The following SLC6A12 variants were observed in gnomAD, a reference collection of about 807,000 sequenced individuals.
The protein encoded by SLC6A12 is sodium- and chloride-dependent betaine transporter.
A neutral mutation model predicts 73.3 loss-of-function variants in SLC6A12; 50 were observed. The ratio of observed to expected loss-of-function variants is 0.68; its 90% CI spans 0.54 to 0.86. SLC6A12 has a LOEUF of 0.86. SLC6A12 is among the 40% of genes least tolerant of loss of function. The pLI is 0.00. For synonymous variants in SLC6A12, 304 were observed against 309.2 expected, an observed-to-expected ratio of 0.98 and a Z score of 0.18; for missense variants, 648 against 772.8, an observed-to-expected ratio of 0.84 and a Z score of 1.92.
chr12:192,980 C>T (rs1298017627), intron 14 of SLC6A12: 1 of 511,376 alleles, frequency 2.0e-6, no homozygotes. Flanking sequence ...GGGAAGGGCT[C>T]AGAAGAGAAG....
chr12:197,345 C>A, intron 10 of SLC6A12, 32 bp downstream of exon 10: 1 of 1,599,166 alleles, frequency 6.3e-7, no homozygotes, highest in South Asian at 1.1e-5. Context: ...CTCTCCTTCC[C>A]CTCAGGCCCC....
downstream of SLC6A12, among the ~76,000 whole-genome samples, chr12:187,773 C>T (rs1684835952): frequency 2.6e-5 from 4 of 152,064 alleles, no homozygotes; most frequent in Admixed American, 6.6e-5. Flanking sequence ...GCCGATTGGT[C>T]CATTTTACAG....
At chr12:207,145 C>G (rs1353078690) in intron 3 of SLC6A12, among the ~76,000 whole-genome samples, 1 of 152,264 alleles carries the variant, frequency 6.6e-6, no homozygotes, top group Non-Finnish European at 1.5e-5. Flanking sequence ...ACACCCTCCC[C>G]TCAAATTCCC....
intron 13 of SLC6A12, among the ~76,000 whole-genome samples, chr12:194,681 T>C (rs757698784): frequency 1.2e-4 from 18 of 152,176 alleles, no homozygotes; most frequent in Non-Finnish European, 2.5e-4. Context: ...TTCAGTATGG[T>C]AGCTATCTCA....
intron 2 of SLC6A12, among the ~76,000 whole-genome samples, 158 bp downstream of exon 2, chr12:211,868 G>A (rs1392782784): frequency 3.3e-5 from 5 of 152,190 alleles, no homozygotes; most frequent in African/African-American, 4.8e-5. Flanking sequence ...CTCTTTCTAC[G>A]TATTATTGAA....
At chr12:203,505 C>A (rs527380627) in intron 4 of SLC6A12, 2 of 152,228 alleles carry the variant, frequency 1.3e-5, no homozygotes, top group East Asian at 1.9e-4. Flanking sequence ...GGGCGTCCGC[C>A]GCGGGGGTGG....
intron 3 of SLC6A12, among the ~76,000 whole-genome samples, chr12:207,694 G>A (rs1406710873): frequency 1.2e-4 from 18 of 152,160 alleles, no homozygotes; most frequent in Admixed American, 1.1e-3. Flanking sequence ...GGACTAGTCT[G>A]TGACATCCTG....
chr12:195,783 G>A (rs1388307220), intron 12 of SLC6A12, among the ~76,000 whole-genome samples: 6 of 152,112 alleles, frequency 3.9e-5, no homozygotes, highest in Non-Finnish European at 7.4e-5. Flanking sequence ...AGGAAAACCC[G>A]CCTCTGAGTG....
At chr12:196,401 C>T in intron 11 of SLC6A12, 140 bp from the exon 12 acceptor site, 2 of 1,073,146 alleles carry the variant, frequency 1.9e-6, no homozygotes, top group Non-Finnish European at 2.7e-6. Flanking sequence ...ATGGGGGTGC[C>T]CTGGGGTGAG....
chr12:205,706 T>C (rs542099461), intron 3 of SLC6A12, among the ~76,000 whole-genome samples: 2 of 152,340 alleles, frequency 1.3e-5, no homozygotes, highest in Non-Finnish European at 1.5e-5. Flanking sequence ...TTGTATATCC[T>C]TCCAGATTTC....
chr12:211,041 T>C (rs1940885561), intron 2 of SLC6A12: 1 of 152,186 alleles, frequency 6.6e-6, no homozygotes, highest in East Asian at 1.9e-4. Context: ...ACACAAACAA[T>C]CGCCCTGAGG....
intron 5 of SLC6A12, among the ~76,000 whole-genome samples, chr12:202,508 C>G (rs1940324102): frequency 6.6e-6 from 1 of 152,182 alleles, no homozygotes; most frequent in Non-Finnish European, 1.5e-5. Context: ...GGCAATAACC[C>G]TTGCAGTCAT....
downstream of SLC6A12, among the ~76,000 whole-genome samples, chr12:187,043 A>G (rs1469424028): frequency 2.0e-5 from 3 of 152,332 alleles, no homozygotes; most frequent in Admixed American, 1.3e-4. Flanking sequence ...GCAAAAGCGA[A>G]TATGTGAGAA....
chr12:192,999 G>C (rs926357783), intron 14 of SLC6A12: 16 of 528,030 alleles, frequency 3.0e-5, no homozygotes, highest in Non-Finnish European at 3.7e-5. Context: ...AGCTCAGACA[G>C]ACAGGAGACC....
chr12:197,009 T>A, intron 10 of SLC6A12, 127 bp from the exon 11 acceptor site: 1 of 486,156 alleles, frequency 2.1e-6, no homozygotes, highest in Admixed American at 3.1e-5. Context: ...GGTGATTCCA[T>A]CCACTGTTCT....
In SLC6A12 at chr12:193,289, A is replaced by G. The variant is rs1315717908; in HGVS notation, c.1518T>C (p.Pro506=). Residue 506 remains proline, a synonymous_variant, in exon 14 of 16, where the codon CCT becomes CCC. Coordinates refer to ENST00000684302, the MANE Select transcript of SLC6A12 (RefSeq NM_001122848.3). ...LVKISWLFLT[P]GLCLATFLFS... ...GGTGGGCACATACCAGGCAAAGTCCAGGGGTCAGGAAGAGCCAGGAGATCT... is the reference window on the plus strand; with the variant it reads ...GGTGGGCACATACCAGGCAAAGTCCGGGGGTCAGGAAGAGCCAGGAGATCT... 2.5e-6 allele frequency: 4 copies of G among 1,612,554 alleles called. No individual in the cohort carries two copies. In the Admixed American group the frequency reaches 6.7e-5, roughly 27 times the overall value.
At chr12:194,362 T>C (rs1485932426) in intron 13 of SLC6A12, among the ~76,000 whole-genome samples, 2 of 152,264 alleles carry the variant, frequency 1.3e-5, no homozygotes, top group Non-Finnish European at 2.9e-5. Flanking sequence ...TCTTTTCTAC[T>C]CATGGCTGTT....
chr12:187,535 T>C (rs1379097292), downstream of SLC6A12, among the ~76,000 whole-genome samples: 1 of 128,842 alleles, frequency 7.8e-6, no homozygotes, highest in Non-Finnish European at 1.6e-5. Context: ...TTACACCTCA[T>C]AAAGGCAGAG....
At chr12:203,999 C>G (rs1320484824) in intron 4 of SLC6A12, 1 of 153,028 alleles carries the variant, frequency 6.5e-6, no homozygotes, top group East Asian at 1.9e-4. Context: ...GCCACGACCT[C>G]TCTCCTCTCG....
Sources: allele counts gnomAD v4.1 joint callset (sites outside exome capture counted in the v4.1 genomes callset), GRCh38; gene constraint gnomAD v4.1.1; transcripts MANE v1.5; gene names NCBI Gene and HGNC (gene_info 2026-07-23, HGNC 2026-07-21).